EDIL3: variants seen among roughly 807,000 people sequenced by gnomAD.
EDIL3 encodes the protein EGF like and discoidin domains 3.
A neutral mutation model predicts 67.4 loss-of-function variants in EDIL3; 37 were observed. The ratio of observed to expected loss-of-function variants is 0.55; its 90% CI spans 0.42 to 0.72. The LOEUF is 0.72. EDIL3 is among the 30% of genes least tolerant of loss of function. EDIL3 has a pLI of 0.00. For synonymous variants in EDIL3, 195 were observed against 196.3 expected (o/e 0.99, Z 0.05); for missense variants, 527 against 586.3 (o/e 0.90, Z 1.04).
intron 1 of EDIL3, among the ~76,000 whole-genome samples, chr5:84,355,381 C>T (rs139509139): frequency 4.4e-3 from 669 of 152,074 alleles, no homozygotes; most frequent in African/African-American, 0.015. Context: ...TTAGCAATTC[C>T]TCTAACCTTT....
At chr5:84,103,063 T>C (rs751792801) in intron 6 of EDIL3, among the ~76,000 whole-genome samples, 4 of 151,832 alleles carry the variant, frequency 2.6e-5, no homozygotes, top group Non-Finnish European at 4.4e-5. Context: ...AGAAATAAGG[T>C]TGCACACCTA....
intron 1 of EDIL3, among the ~76,000 whole-genome samples, chr5:84,278,173 A>C (rs564279710): frequency 5.0e-4 from 76 of 152,336 alleles, no homozygotes; most frequent in African/African-American, 1.6e-3. Context: ...TTTATGTATG[A>C]ACCAACAGTA....
chr5:84,253,236 A>G (rs1745066752), intron 2 of EDIL3, among the ~76,000 whole-genome samples: 1 of 152,168 alleles, frequency 6.6e-6, no homozygotes, highest in Admixed American at 6.5e-5. Flanking sequence ...CTGTTTCTCT[A>G]AGGTTTATGC....
intron 9 of EDIL3, among the ~76,000 whole-genome samples, chr5:84,033,608 G>A (rs1745966584): frequency 6.6e-6 from 1 of 151,606 alleles, no homozygotes; most frequent in South Asian, 2.1e-4. Context: ...TGAGGTTGAG[G>A]TGGGAGGATG....
intron 5 of EDIL3, among the ~76,000 whole-genome samples, chr5:84,132,498 T>TAAAATACATAATATATA (rs1491436966): frequency 3.5e-5 from 4 of 115,004 alleles, no homozygotes; most frequent in African/African-American, 1.4e-4. Flanking sequence ...ATATTATATA[T>TAAAATACATAATATATA]TTTATATATA....
At chr5:84,184,366 G>A (rs912241516) in intron 3 of EDIL3, among the ~76,000 whole-genome samples, 1 of 152,158 alleles carries the variant, frequency 6.6e-6, no homozygotes, top group African/African-American at 2.4e-5. Context: ...AATTCTAAAA[G>A]GAAAGGCAGA....
At chr5:84,261,037 AT>A (rs1443750159) in intron 1 of EDIL3, among the ~76,000 whole-genome samples, 1 of 152,174 alleles carries the variant, frequency 6.6e-6, no homozygotes, top group Non-Finnish European at 1.5e-5. Context: ...TCTTCAATCT[AT>A]TGCTTTCTTG....
chr5:83,982,163 T>C (rs6860015), intron 9 of EDIL3, among the ~76,000 whole-genome samples: 14,769 of 152,056 alleles, frequency 0.097, 1,028 homozygotes, highest in East Asian at 0.3. Flanking sequence ...TTGATGAAAC[T>C]AATTAAAAAA....
At chr5:84,132,357 A>T (rs1457124771) in intron 5 of EDIL3, among the ~76,000 whole-genome samples, 2 of 26,956 alleles carry the variant, frequency 7.4e-5, no homozygotes, top group African/African-American at 2.8e-4. Context: ...TTTATACATA[A>T]TATATATTAT....
chr5:84,367,277 CTTT>C (rs957187939), intron 1 of EDIL3, among the ~76,000 whole-genome samples: 1 of 146,992 alleles, frequency 6.8e-6, no homozygotes, highest in East Asian at 2.0e-4. Context: ...AATTTAATGA[CTTT>C]TTTTTTTTGA....
intron 3 of EDIL3, among the ~76,000 whole-genome samples, chr5:84,227,624 A>G (rs536443736): frequency 6.6e-6 from 1 of 152,140 alleles, no homozygotes; most frequent in Non-Finnish European, 1.5e-5. Flanking sequence ...AGACACATGC[A>G]CTCATAAGTT....
chr5:84,244,444 A>AT (rs527421932), intron 2 of EDIL3, among the ~76,000 whole-genome samples: 12,521 of 131,646 alleles, frequency 0.095, 629 homozygotes, highest in South Asian at 0.2. Flanking sequence ...ACACCTGGCT[A>AT]TTTTTTTTTT....
At chr5:84,017,825 T>C (rs1221430947) in intron 9 of EDIL3, among the ~76,000 whole-genome samples, 2 of 152,146 alleles carry the variant, frequency 1.3e-5, no homozygotes, top group Non-Finnish European at 2.9e-5. Context: ...TCCAGGAAAG[T>C]TTCTCTAATT....
intron 6 of EDIL3, among the ~76,000 whole-genome samples, chr5:84,099,134 A>G: frequency 6.6e-6 from 1 of 152,212 alleles, no homozygotes; most frequent in East Asian, 1.9e-4. Context: ...TTCCATGCAC[A>G]TGGATAGGAA....
chr5:83,943,542 G>A lies in EDIL3; in HGVS notation c.1320C>T (p.Asp440=). The stretch of plus-strand genomic sequence containing the variant: ...GGTCGATGACATTTTTTCTGTGAGT[G>A]TCATTGTCAAAATTTCCCTGGAAAA... ...DKVFQGNFDN[D]THRKNVIDPP... is the part of the protein sequence containing the mutation. Residue 440 remains aspartate (D), a synonymous_variant, in exon 11 of 11, where the codon GAC becomes GAT. Coordinates refer to ENST00000296591, the MANE Select transcript of EDIL3 (RefSeq NM_005711.5). The A allele has an allele frequency of 6.2e-7, 1 of 1,612,160 alleles. No individual in the cohort carries two copies. Among genetic ancestry groups the A allele is most frequent in the Non-Finnish European group, 8.5e-7 (1 of 1,178,906 alleles).
At chr5:84,010,737 A>C (rs73145934) in intron 9 of EDIL3, among the ~76,000 whole-genome samples, 2,663 of 152,322 alleles carry the variant, frequency 0.017, 84 homozygotes, top group African/African-American at 0.054. Context: ...TTGTGAATTA[A>C]ATAAATCTGG....
chr5:84,118,871 T>C (rs760108403), intron 5 of EDIL3, among the ~76,000 whole-genome samples: 19 of 152,108 alleles, frequency 1.2e-4, no homozygotes, highest in Non-Finnish European at 2.6e-4. Context: ...TGCCTTGGGG[T>C]ACGAGCCAGA....
At chr5:83,977,983 C>A (rs1744903301) in intron 9 of EDIL3, among the ~76,000 whole-genome samples, 1 of 151,842 alleles carries the variant, frequency 6.6e-6, no homozygotes, top group African/African-American at 2.4e-5. Flanking sequence ...CATGTTCCAA[C>A]AACCTCTTGT....
chr5:84,209,768 G>C (rs1744078049), intron 3 of EDIL3, among the ~76,000 whole-genome samples: 1 of 152,170 alleles, frequency 6.6e-6, no homozygotes, highest in Non-Finnish European at 1.5e-5. Context: ...CGAATTTATT[G>C]AGTGTCTAGT....
Sources: gnomAD v4.1 joint callset for allele counts (sites outside exome capture counted in the v4.1 genomes callset) on GRCh38, gnomAD v4.1.1 for gene constraint, MANE v1.5 for transcripts, NCBI Gene and HGNC (gene_info 2026-07-23, HGNC 2026-07-21) for gene names.